The following PIP4K2A variants were observed in gnomAD, a reference collection of about 807,000 sequenced individuals.
PIP4K2A encodes the protein phosphatidylinositol 5-phosphate 4-kinase type-2 alpha.
In PIP4K2A, 14 loss-of-function variants were observed where a neutral mutation model predicts 42.9. That is an observed-to-expected ratio of 0.33 (90% CI 0.22 to 0.51). PIP4K2A has a LOEUF of 0.51. Among genes scored for constraint, PIP4K2A ranks in the 20% least tolerant of loss-of-function variants. The pLI is 0.97. For synonymous variants in PIP4K2A, 192 were observed against 192.2 expected, an observed-to-expected ratio of 1.00 and a Z score of 0.01; for missense variants, 434 against 519.8, an observed-to-expected ratio of 0.83 and a Z score of 1.61.
chr10:22,667,670 C>A (rs1417093457), intron 1 of PIP4K2A, among the ~76,000 whole-genome samples: 1 of 151,916 alleles, frequency 6.6e-6, no homozygotes, highest in Non-Finnish European at 1.5e-5. Context: ...GAAAATGAAT[C>A]CTTTGCCTTT....
chr10:22,579,107 A>C (rs567584682), intron 4 of PIP4K2A, among the ~76,000 whole-genome samples: 44 of 152,350 alleles, frequency 2.9e-4, no homozygotes, highest in African/African-American at 9.9e-4. Context: ...GAAAGGAGGA[A>C]AAGAGGGTAC....
chr10:22,642,424 G>C (rs1838799332), intron 1 of PIP4K2A, among the ~76,000 whole-genome samples: 1 of 152,052 alleles, frequency 6.6e-6, no homozygotes, highest in Non-Finnish European at 1.5e-5. Context: ...TTGTCACTCA[G>C]AATGTCACTA....
chr10:22,538,832 ACAG>A (rs1208280723), intron 9 of PIP4K2A, among the ~76,000 whole-genome samples: 1 of 152,258 alleles, frequency 6.6e-6, no homozygotes, highest in East Asian at 1.9e-4. Context: ...TGCTCTGCAC[ACAG>A]CAGGAATACC....
intron 1 of PIP4K2A, among the ~76,000 whole-genome samples, chr10:22,684,085 T>C (rs562017384): frequency 1.3e-5 from 2 of 152,186 alleles, no homozygotes; most frequent in Admixed American, 1.3e-4. Flanking sequence ...CCCCCTTAAA[T>C]GCATTACCTC....
At chr10:22,623,919 A>G (rs989886116) in intron 1 of PIP4K2A, among the ~76,000 whole-genome samples, 9 of 152,228 alleles carry the variant, frequency 5.9e-5, no homozygotes, top group African/African-American at 2.2e-4. Flanking sequence ...ATCAGATATG[A>G]AAAGAATAGT....
chr10:22,646,757 A>G (rs976440716), intron 1 of PIP4K2A, among the ~76,000 whole-genome samples: 2 of 152,110 alleles, frequency 1.3e-5, no homozygotes, highest in African/African-American at 4.8e-5. Flanking sequence ...GTTTGCACCC[A>G]CCTGTGGAGT....
intron 1 of PIP4K2A, among the ~76,000 whole-genome samples, chr10:22,616,172 C>G (rs930454990): frequency 6.6e-6 from 1 of 152,114 alleles, no homozygotes. Context: ...TATGGTATGA[C>G]TCAAGAGTGG....
chr10:22,668,388 C>T (rs1474814821), intron 1 of PIP4K2A, among the ~76,000 whole-genome samples: 1 of 152,162 alleles, frequency 6.6e-6, no homozygotes, highest in Non-Finnish European at 1.5e-5. Flanking sequence ...CAAAGCAAAA[C>T]TAAGACCTCT....
At chr10:22,634,811 T>A (rs1267912845) in intron 1 of PIP4K2A, among the ~76,000 whole-genome samples, 1 of 152,176 alleles carries the variant, frequency 6.6e-6, no homozygotes, top group African/African-American at 2.4e-5. Context: ...CACCAAATAC[T>A]TACTGACCTT....
At chr10:22,637,952 G>A (rs762626775) in intron 1 of PIP4K2A, among the ~76,000 whole-genome samples, 1 of 152,224 alleles carries the variant, frequency 6.6e-6, no homozygotes, top group Non-Finnish European at 1.5e-5. Flanking sequence ...AGACAGTTCT[G>A]TAATGGATGT....
chr10:22,664,142 C>CATATATATACACATATATATAT (rs1839285522), intron 1 of PIP4K2A, among the ~76,000 whole-genome samples: 1 of 27,960 alleles, frequency 3.6e-5, no homozygotes, highest in East Asian at 5.9e-4. Flanking sequence ...TATATATATA[C>CATATATATACACATATATATAT]ATATATATAC....
At chr10:22,600,337 A>T (rs1213568173) in intron 3 of PIP4K2A, among the ~76,000 whole-genome samples, 5 of 152,152 alleles carry the variant, frequency 3.3e-5, no homozygotes, top group Non-Finnish European at 5.9e-5. Context: ...GTATAAGGGA[A>T]CATGCCAATA....
intron 1 of PIP4K2A, among the ~76,000 whole-genome samples, chr10:22,682,361 C>T (rs575500925): frequency 6.6e-6 from 1 of 152,316 alleles, no homozygotes; most frequent in Admixed American, 6.5e-5. Flanking sequence ...TGGTAGCCCT[C>T]AAACCTCAAG....
intron 3 of PIP4K2A, among the ~76,000 whole-genome samples, chr10:22,606,729 T>C (rs1366254185): frequency 6.6e-6 from 1 of 152,210 alleles, no homozygotes; most frequent in Non-Finnish European, 1.5e-5. Flanking sequence ...GGTGGCAATA[T>C]GTCACTTAAT....
intron 4 of PIP4K2A, among the ~76,000 whole-genome samples, chr10:22,587,136 C>T (rs926719307): frequency 6.6e-5 from 10 of 152,146 alleles, no homozygotes; most frequent in African/African-American, 2.2e-4. Flanking sequence ...AATAACTAGC[C>T]ATGTTCTACT....
chr10:22,539,895 GA>G (rs1427927255), intron 9 of PIP4K2A, 75 bp downstream of exon 9: 12 of 661,250 alleles, frequency 1.8e-5, no homozygotes, highest in East Asian at 2.8e-5. Flanking sequence ...AGGAGAGAGA[GA>G]GAGAGAGAGA....
intron 1 of PIP4K2A, among the ~76,000 whole-genome samples, chr10:22,624,042 TG>T (rs1460686528): frequency 3.3e-5 from 5 of 152,222 alleles, no homozygotes; most frequent in African/African-American, 9.7e-5. Flanking sequence ...TACCAGCTAA[TG>T]ATACTCCAGA....
At chr10:22,635,706 G>T (rs557420199) in intron 1 of PIP4K2A, among the ~76,000 whole-genome samples, 1 of 152,188 alleles carries the variant, frequency 6.6e-6, no homozygotes, top group Non-Finnish European at 1.5e-5. Context: ...GAGCCGGGGG[G>T]TTCTATGACG....
intron 7 of PIP4K2A, among the ~76,000 whole-genome samples, chr10:22,542,425 G>A (rs1588613166): frequency 6.6e-6 from 1 of 152,202 alleles, no homozygotes; most frequent in Non-Finnish European, 1.5e-5. Context: ...GGAAACCCAG[G>A]CATCTCCCAA....
Sources: allele counts gnomAD v4.1 joint callset (sites outside exome capture counted in the v4.1 genomes callset), GRCh38; gene constraint gnomAD v4.1.1; transcripts MANE v1.5; gene names NCBI Gene and HGNC (gene_info 2026-07-23, HGNC 2026-07-21).